Variants in ASIC2 observed in about 807,000 individuals in gnomAD.
ASIC2 encodes acid-sensing ion channel 2.
In ASIC2, 25 loss-of-function variants were observed where a neutral mutation model predicts 57.3. The observed-to-expected ratio is 0.44, with a 90% CI of 0.32 to 0.61. The LOEUF is 0.61. ASIC2 is among the 20% of genes least tolerant of loss of function. The pLI is 0.06. For synonymous variants in ASIC2, 319 were observed against 307.5 expected (o/e 1.04, Z -0.39); for missense variants, 641 against 738.1 (o/e 0.87, Z 1.52).
At chr17:33,429,163 G>T (rs1324957700) in intron 1 of ASIC2, among the ~76,000 whole-genome samples, 1 of 152,130 alleles carries the variant, frequency 6.6e-6, no homozygotes, top group African/African-American at 2.4e-5. Context: ...GGGTACCAAT[G>T]ATTTCAGAAG....
intron 1 of ASIC2, among the ~76,000 whole-genome samples, chr17:33,863,998 G>T (rs1914168449): frequency 6.6e-6 from 1 of 151,672 alleles, no homozygotes. Flanking sequence ...CCACCTCCCA[G>T]GTTCAAGCGA....
chr17:33,341,018 C>T (rs577139784), intron 1 of ASIC2, among the ~76,000 whole-genome samples: 2 of 152,298 alleles, frequency 1.3e-5, no homozygotes, highest in Admixed American at 6.5e-5. Context: ...ATCATTTAAA[C>T]TGCAGTTGAC....
intron 1 of ASIC2, among the ~76,000 whole-genome samples, chr17:33,920,327 C>T (rs1333775200): frequency 2.0e-5 from 3 of 151,992 alleles, no homozygotes; most frequent in African/African-American, 7.3e-5. Context: ...CAAAGATGGA[C>T]TAGATAAAGA....
intron 1 of ASIC2, among the ~76,000 whole-genome samples, chr17:34,086,218 C>A (rs1910107754): frequency 6.7e-6 from 1 of 149,768 alleles, no homozygotes; most frequent in African/African-American, 2.4e-5. Context: ...GAATGTGTCC[C>A]AGAGATTCTG....
At chr17:33,307,521 A>G (rs1337631898) in intron 1 of ASIC2, among the ~76,000 whole-genome samples, 1 of 151,984 alleles carries the variant, frequency 6.6e-6, no homozygotes, top group Non-Finnish European at 1.5e-5. Context: ...TGTTGGCCAG[A>G]CTAGTCTCGA....
intron 1 of ASIC2, among the ~76,000 whole-genome samples, chr17:34,107,354 A>G (rs1911098678): frequency 6.6e-6 from 1 of 152,044 alleles, no homozygotes; most frequent in Admixed American, 6.6e-5. Context: ...ATAAAAAAAT[A>G]AAAAATTAGC....
intron 1 of ASIC2, chr17:33,623,685 T>C (rs1303924895): frequency 6.6e-6 from 1 of 152,228 alleles, no homozygotes; most frequent in East Asian, 1.9e-4. Context: ...ACTAGTCATT[T>C]TTGTCCATTT....
intron 1 of ASIC2, among the ~76,000 whole-genome samples, chr17:33,735,929 A>G (rs1021899130): frequency 6.6e-6 from 1 of 152,062 alleles, no homozygotes; most frequent in Non-Finnish European, 1.5e-5. Context: ...TTCCTTTGGC[A>G]TGAATGAATG....
chr17:34,153,192 C>A (rs950428694), intron 1 of ASIC2, among the ~76,000 whole-genome samples: 2 of 152,174 alleles, frequency 1.3e-5, no homozygotes, highest in Non-Finnish European at 2.9e-5. Context: ...ACTGGAGATG[C>A]CACTAGATAT....
chr17:34,006,276 T>C (rs1453624009), intron 1 of ASIC2: 3 of 152,306 alleles, frequency 2.0e-5, no homozygotes. Flanking sequence ...AGAATCAGCA[T>C]GTGCAAAAGT....
intron 1 of ASIC2, among the ~76,000 whole-genome samples, chr17:33,971,115 G>A (rs577111641): frequency 6.6e-6 from 1 of 152,322 alleles, no homozygotes; most frequent in African/African-American, 2.4e-5. Flanking sequence ...AGGGCACACA[G>A]TGGCACGCAG....
chr17:33,363,639 CT>C (rs560560543), intron 1 of ASIC2, among the ~76,000 whole-genome samples: 48 of 152,368 alleles, frequency 3.2e-4, no homozygotes, highest in African/African-American at 1.0e-3. Flanking sequence ...CCACCCTGCT[CT>C]GTCTGGTCCC....
At chr17:33,229,717 C>G (rs1908019775) in intron 1 of ASIC2, among the ~76,000 whole-genome samples, 1 of 152,198 alleles carries the variant, frequency 6.6e-6, no homozygotes, top group Admixed American at 6.5e-5. Context: ...AAATAGACGT[C>G]TCCTTGTTGC....
chr17:33,733,383 GT>G, intron 1 of ASIC2, among the ~76,000 whole-genome samples: 1 of 152,292 alleles, frequency 6.6e-6, no homozygotes, highest in Non-Finnish European at 1.5e-5. Flanking sequence ...AATCAACCTT[GT>G]TTGCCTAGGA....
chr17:33,929,928 C>G (rs1915895954), intron 1 of ASIC2, among the ~76,000 whole-genome samples: 1 of 152,254 alleles, frequency 6.6e-6, no homozygotes, highest in Non-Finnish European at 1.5e-5. Context: ...TGGCTCATAA[C>G]AAGCTACTTC....
At chr17:33,992,025 GTGCCAGGCTTCTCA>G (rs1271626445) in intron 1 of ASIC2, among the ~76,000 whole-genome samples, 1 of 152,106 alleles carries the variant, frequency 6.6e-6, no homozygotes, top group Non-Finnish European at 1.5e-5. Context: ...GGGAGGCAGG[GTGCCAGGCTTCTCA>G]TGCCAGCTTC....
intron 1 of ASIC2, among the ~76,000 whole-genome samples, chr17:33,813,410 C>T (rs551552974): frequency 6.6e-6 from 1 of 152,252 alleles, no homozygotes; most frequent in African/African-American, 2.4e-5. Context: ...CCCAGAGTGC[C>T]AGCATTAAAG....
chr17:33,049,946 C>T (rs1413048038), intron 3 of ASIC2, among the ~76,000 whole-genome samples: 1 of 152,122 alleles, frequency 6.6e-6, no homozygotes, highest in African/African-American at 2.4e-5. Flanking sequence ...TGCCTGTGCT[C>T]TTTTGTGCCA....
intron 1 of ASIC2, among the ~76,000 whole-genome samples, chr17:33,854,031 A>C (rs924983817): frequency 1.1e-4 from 17 of 152,252 alleles, no homozygotes; most frequent in Non-Finnish European, 1.9e-4. Flanking sequence ...ATGATTTGAC[A>C]GCTATTCTGG....
Sources: allele counts gnomAD v4.1 joint callset (sites outside exome capture counted in the v4.1 genomes callset), GRCh38; gene constraint gnomAD v4.1.1; transcripts MANE v1.5; gene names NCBI Gene and HGNC (gene_info 2026-07-23, HGNC 2026-07-21).